Variants in GRID2 observed in about 807,000 individuals in gnomAD.
GRID2 encodes the protein glutamate ionotropic receptor delta type subunit 2, also known as glutamate receptor ionotropic, delta-2.
A neutral mutation model predicts 114.8 loss-of-function variants in GRID2; 33 were observed. The ratio of observed to expected loss-of-function variants is 0.29; its 90% CI spans 0.22 to 0.38. The LOEUF is 0.38. Ranked by LOEUF, GRID2 falls within the 10% of genes least tolerant of loss-of-function variation. GRID2 has a pLI of 1.00. For missense variants in GRID2, 1,184 were observed against 1,257.7 expected (o/e 0.94, Z 0.89); for synonymous variants, 505 against 449.9 (o/e 1.12, Z -1.55).
At chr4:92,305,958 T>C (rs945935453) in intron 1 of GRID2, among the ~76,000 whole-genome samples, 49 of 152,282 alleles carry the variant, frequency 3.2e-4, no homozygotes, top group African/African-American at 1.1e-3. Context: ...GTTCTGCAAA[T>C]TGAGGCGACA....
chr4:92,455,288 G>T (rs574975329), intron 1 of GRID2, among the ~76,000 whole-genome samples: 25 of 152,156 alleles, frequency 1.6e-4, no homozygotes, highest in Admixed American at 2.6e-4. Context: ...TAAGTGCCGG[G>T]TGGACAACAG....
rs112434300 is a variant in GRID2 at position 93,551,057 on chromosome 4, C to A, written c.2193+35646C>A. On this transcript the variant is annotated intron_variant, in intron 13 of 15. Transcript: ENST00000282020. ...TTCTATGCCTCAGTTTCTTCTATTG[C>A]AAATGAGATTTTAAGATTTGTTTTA... Among the ~76,000 whole-genome samples the A allele has an allele frequency of 1.2e-3, 182 of 152,202 alleles. 1 individual carries two copies. Among genetic ancestry groups the A allele is most frequent in the African/African-American group, 4.3e-3 (177 of 41,516 alleles).
chr4:92,560,953 C>A (rs1006590204), intron 1 of GRID2, among the ~76,000 whole-genome samples: 1 of 152,128 alleles, frequency 6.6e-6, no homozygotes, highest in Non-Finnish European at 1.5e-5. Flanking sequence ...GGTGATCCAC[C>A]CGCCTCAGCC....
At chr4:92,580,850 A>T (rs1378444671) in intron 1 of GRID2, among the ~76,000 whole-genome samples, 1 of 151,582 alleles carries the variant, frequency 6.6e-6, no homozygotes, top group Non-Finnish European at 1.5e-5. Flanking sequence ...CTCCATGAAC[A>T]TACTTTTCAG....
intron 4 of GRID2, among the ~76,000 whole-genome samples, chr4:93,202,756 T>C (rs1038981128): frequency 2.6e-5 from 4 of 152,140 alleles, no homozygotes; most frequent in African/African-American, 9.6e-5. Context: ...GCTCAGAAAT[T>C]CTTTTTAGGT....
intron 13 of GRID2, among the ~76,000 whole-genome samples, chr4:93,600,652 T>C (rs1739580485): frequency 6.6e-6 from 1 of 152,198 alleles, no homozygotes; most frequent in South Asian, 2.1e-4. Context: ...GAAATCTGTT[T>C]AGCAGTTTCC....
At chr4:93,355,221 G>T (rs1416726909) in intron 8 of GRID2, among the ~76,000 whole-genome samples, 1 of 151,900 alleles carries the variant, frequency 6.6e-6, no homozygotes, top group Non-Finnish European at 1.5e-5. Flanking sequence ...TGACATAACA[G>T]TGCTATTATG....
rs568064278 is a variant in GRID2, at chr4:92,416,614, C to G, written c.88+111870C>G. Among the ~76,000 whole-genome samples the G allele has an allele frequency of 3.9e-5, 6 of 152,220 alleles. No individual in the cohort carries two copies. In the East Asian group the frequency reaches 1.2e-3, roughly 29 times the overall value. The stretch of plus-strand genomic sequence containing the variant: ...GAAATGAGGATCCAGCTCTATTCTC[C>G]TACATGTGGTTTGTCAATTATCCCA... On this transcript the variant is annotated intron_variant, in intron 1 of 15. Transcript: ENST00000282020.
chr4:92,415,070 C>T (rs1307494696), intron 1 of GRID2, among the ~76,000 whole-genome samples: 1 of 151,808 alleles, frequency 6.6e-6, no homozygotes, highest in Admixed American at 6.6e-5. Context: ...ATCTTAAACC[C>T]ATAACATTAA....
intron 8 of GRID2, among the ~76,000 whole-genome samples, chr4:93,368,644 G>T (rs778497530): frequency 7.9e-5 from 12 of 152,104 alleles, no homozygotes; most frequent in Admixed American, 1.3e-4. Context: ...ATGTAGTTAA[G>T]TAAAACAATA....
chr4:92,474,968 G>T (rs398089016), intron 1 of GRID2, among the ~76,000 whole-genome samples: 6 of 1,192 alleles, frequency 5.0e-3, no homozygotes, highest in Admixed American at 0.017. Context: ...TAATTTTTTT[G>T]GGGGGGGGGT....
At chr4:92,956,787 T>A (rs981967596) in intron 2 of GRID2, among the ~76,000 whole-genome samples, 1 of 152,170 alleles carries the variant, frequency 6.6e-6, no homozygotes, top group Non-Finnish European at 1.5e-5. Context: ...GAATGAAAGT[T>A]CTTGTTGGTT....
At chr4:93,569,623 A>T (rs13142740) in intron 13 of GRID2, among the ~76,000 whole-genome samples, 2 of 152,092 alleles carry the variant, frequency 1.3e-5, no homozygotes, top group African/African-American at 4.8e-5. Context: ...TAAACTCCAG[A>T]CATCTTACTA....
chr4:93,253,699 A>G (rs760033380), intron 8 of GRID2, among the ~76,000 whole-genome samples: 2 of 152,170 alleles, frequency 1.3e-5, no homozygotes, highest in African/African-American at 2.4e-5. Context: ...GCATAAGTGA[A>G]CACACACATA....
chr4:92,335,646 G>A (rs1727126103), intron 1 of GRID2, among the ~76,000 whole-genome samples: 1 of 152,124 alleles, frequency 6.6e-6, no homozygotes, highest in South Asian at 2.1e-4. Flanking sequence ...GAAGTCTAAA[G>A]TATACAATAA....
At chr4:92,978,885 T>C (rs1560764541) in intron 2 of GRID2, among the ~76,000 whole-genome samples, 1 of 151,946 alleles carries the variant, frequency 6.6e-6, no homozygotes, top group Non-Finnish European at 1.5e-5. Context: ...TAGCCAGACA[T>C]GGTGGTGCAT....
chr4:93,557,230 C>T lies in GRID2; in HGVS notation c.2193+41819C>T, dbSNP rs572777592. Among the ~76,000 whole-genome samples, 4 of 152,270 alleles carry T rather than the reference C, an allele frequency of 2.6e-5. No individual in the cohort carries two copies. In the East Asian group the frequency reaches 7.7e-4, roughly 29 times the overall value. ...AGCATCATAATGACAGGGTCAAATT[C>T]ACACATAACAATATTAACCTTAAAT... On this transcript the variant is annotated intron_variant, in intron 13 of 15. Transcript: ENST00000282020.
At chr4:92,611,132 ATGTGTGTGTGTGCATG>A (rs1198022909) in intron 2 of GRID2, among the ~76,000 whole-genome samples, 2,653 of 133,702 alleles carry the variant, frequency 0.02, 80 homozygotes, top group African/African-American at 0.072. Context: ...GTGTGTGTGC[ATGTGTGTGTGTGCATG>A]TGTGTGTGTG....
intron 1 of GRID2, among the ~76,000 whole-genome samples, chr4:92,329,425 G>A (rs1375918533): frequency 6.6e-6 from 1 of 151,890 alleles, no homozygotes; most frequent in Non-Finnish European, 1.5e-5. Flanking sequence ...TCATATTGAT[G>A]TTTCTCCCTG....
Sources: gnomAD v4.1 joint callset for allele counts (sites outside exome capture counted in the v4.1 genomes callset) on GRCh38, gnomAD v4.1.1 for gene constraint, MANE v1.5 for transcripts, NCBI Gene and HGNC (gene_info 2026-07-23, HGNC 2026-07-21) for gene names.